Variants in ZNF311 observed in about 807,000 individuals in gnomAD.
ZNF311 encodes the protein zinc finger protein zfp31.
Under a neutral mutation model 22.7 loss-of-function variants are expected in ZNF311, and 14 were observed. The observed-to-expected ratio is 0.62, with a 90% CI of 0.41 to 0.96. The LOEUF is 0.96. Ranked by LOEUF, ZNF311 falls within the 40% of genes least tolerant of loss-of-function variation. The pLI, the probability that ZNF311 is intolerant of heterozygous loss-of-function variation, is 0.00. For missense variants in ZNF311, 731 were observed against 799.0 expected (o/e 0.91, Z 1.03); for synonymous variants, 250 against 275.3 (o/e 0.91, Z 0.91).
Position 28,995,832 on chromosome 6 carries a change from C to T in ZNF311, c.1170G>A (p.Glu390=), listed in dbSNP as rs1347838215. The T allele has an allele frequency of 6.2e-7, 1 of 1,613,426 alleles. No individual in the cohort carries two copies. The highest frequency in any genetic ancestry group is 1.3e-5 in the African/African-American group (1 of 74,706). The change falls in exon 7 of 7, where the codon GAG becomes GAA. Residue 390 remains glutamate, a synonymous_variant. Transcript: ENST00000377179. This position sits in a 1 kb window ranked among gnomAD's most constrained non-coding sequence, Gnocchi z 4.7. ...IHTGEKPYEC[E]ECGKAFSGSS... ...TCCCACTGAAGGCCTTCCCGCACTC[C>T]TCACATTCATATGGCTTCTCCCCAG...
chr6:28,995,202 T>C lies in ZNF311; in HGVS notation c.1800A>G (p.Gly600=). The change falls in exon 7 of 7, where the codon GGA becomes GGG. Residue 600 remains glycine, a synonymous_variant. Transcript: ENST00000377179. This position sits in a 1 kb window ranked among gnomAD's most constrained non-coding sequence, Gnocchi z 4.7. ...TSFRQGSALI[G]HKRVHTGEKP... is the part of the protein sequence containing the mutation. ...TCTCCCCAGTATGAACTCGCTTATG[T>C]CCAATCAGAGCTGAGCCCTGACGGA... 6.2e-7 allele frequency: 1 copy of C among 1,614,058 alleles called. No homozygotes were observed. Among genetic ancestry groups the C allele is most frequent in the Non-Finnish European group, 8.5e-7 (1 of 1,180,028 alleles).
chr6:28,997,623 A>C (rs1779802004), intron 6 of ZNF311, among the ~76,000 whole-genome samples: 1 of 152,172 alleles, frequency 6.6e-6, no homozygotes, highest in Non-Finnish European at 1.5e-5. Flanking sequence ...TCTGAAAATC[A>C]AGTCTAATCA....
rs749224253 is a variant in ZNF311, at chr6:28,995,765, G to C, written c.1237C>G (p.Arg413Gly). The C allele has an allele frequency of 6.2e-7, 1 of 1,613,358 alleles. No homozygotes were observed. The highest frequency in any genetic ancestry group is 8.5e-7 in the Non-Finnish European group (1 of 1,179,886). The part of the protein sequence containing the change: ...TKHIRIHTGE[R>G]PYECSKCGRA... ...CCACACTTGCTGCACTCATAAGGTC[G>C]TTCCCCAGTGTGGATTCTTATGTGT... Residue 413 changes from arginine to glycine, a missense_variant, in exon 7 of 7, where the codon CGA (arginine) becomes GGA (glycine). Arg to Gly is a moderately radical substitution (Grantham distance 125). Coordinates refer to ENST00000377179, the MANE Select transcript of ZNF311 (RefSeq NM_001382360.1). The surrounding 1 kb of genome is among the most constrained non-coding windows in gnomAD (Gnocchi z 4.7).
At position 28,995,108 on chromosome 6, in the gene ZNF311, T is replaced by A; in HGVS notation, c.1894A>T (p.Arg632Ter). Reference sequence around the variant, plus strand: ...TGGGTACTCCATACTTGATGTTTTCTTTTCTTATGTCCAGTAAGATTTGAG... The same window carrying A: ...TGGGTACTCCATACTTGATGTTTTCATTTCTTATGTCCAGTAAGATTTGAG... Reference protein sequence around the residue: ...VSSNLTGHKKRKHQVWSTHEL... With the variant: ...VSSNLTGHKK The change falls in exon 7 of 7, where the codon AGA becomes TGA. Residue 632 changes from arginine (R) to a stop codon, truncating the protein, a stop_gained. Coordinates refer to ENST00000377179, the MANE Select transcript of ZNF311 (RefSeq NM_001382360.1). LOFTEE classifies it low-confidence loss of function (END_TRUNC). The surrounding 1 kb of genome is among the most constrained non-coding windows in gnomAD (Gnocchi z 4.7). 6.2e-7 allele frequency: 1 copy of A among 1,613,946 alleles called. No individual in the cohort carries two copies. Among genetic ancestry groups the A allele is most frequent in the South Asian group, 1.1e-5 (1 of 91,088 alleles).
At chr6:29,001,891 A>G (rs567246665) in intron 3 of ZNF311, among the ~76,000 whole-genome samples, 1 of 152,302 alleles carries the variant, frequency 6.6e-6, no homozygotes, top group East Asian at 1.9e-4. Flanking sequence ...TGGAAGTTCA[A>G]CATTTGTTTA....
intron 2 of ZNF311, 121 bp from the exon 3 acceptor site, chr6:29,003,715 G>T: frequency 7.0e-7 from 1 of 1,424,174 alleles, no homozygotes; most frequent in Non-Finnish European, 9.8e-7. Flanking sequence ...CCAAAAGAAG[G>T]GAGAAAATAA....
Position 28,995,771 on chromosome 6 carries a change from C to A in ZNF311, c.1231G>T (p.Gly411Trp), listed in dbSNP as rs773893837. The A allele has an allele frequency of 3.1e-6, 5 of 1,613,952 alleles. No individual in the cohort carries two copies. Among genetic ancestry groups the A allele is most frequent in the Non-Finnish European group, 8.5e-7 (1 of 1,180,028 alleles). ...TTGCTGCACTCATAAGGTCGTTCCC[C>A]AGTGTGGATTCTTATGTGTTTGGTG... is the stretch of plus-strand genomic sequence containing the variant. The part of the protein sequence containing the change: ...DLTKHIRIHT[G>W]ERPYECSKCG... The change falls in exon 7 of 7, where the codon GGG (glycine) becomes TGG (tryptophan). Residue 411 changes from glycine to tryptophan, a missense_variant. Transcript: ENST00000377179. The surrounding 1 kb of genome is among the most constrained non-coding windows in gnomAD (Gnocchi z 4.7).
chr6:28,998,221 T>C lies in ZNF311; in HGVS notation c.415+513A>G, dbSNP rs371161526. Among the ~76,000 whole-genome samples the C allele has an allele frequency of 6.0e-4, 89 of 148,946 alleles. No homozygotes were observed. The East Asian group carries it at 0.01, about 17-fold the overall frequency. ...TCTCACTGTGTCCCCCGGGTTGGAG[T>C]GCAGTGGTGTGATCTCAGCTCACTG... On this transcript the variant is annotated intron_variant, in intron 6 of 6. Coordinates refer to ENST00000377179, the MANE Select transcript of ZNF311 (RefSeq NM_001382360.1).
chr6:28,998,681 C>A, intron 6 of ZNF311, 53 bp downstream of exon 6: 3 of 1,290,870 alleles, frequency 2.3e-6, no homozygotes, highest in South Asian at 1.2e-5. Flanking sequence ...TGTTCCATAA[C>A]CATTATGCCA....
intron 3 of ZNF311, among the ~76,000 whole-genome samples, chr6:29,002,639 T>TTTC (rs759835469): frequency 6.6e-6 from 1 of 151,048 alleles, no homozygotes; most frequent in Non-Finnish European, 1.5e-5. Flanking sequence ...TTTTTTTTTT[T>TTTC]AGACAGAGTC....
intron 1 of ZNF311, among the ~76,000 whole-genome samples, chr6:29,004,442 C>CTTTTTTTTTTTTTTTTT (rs9280531): frequency 2.6e-4 from 8 of 30,600 alleles, no homozygotes; most frequent in African/African-American, 9.0e-4. Context: ...TTCCTCCTTT[C>CTTTTTTTTTTTTTTTTT]TTTTTTTTTT....
At position 29,004,081 on chromosome 6, in the gene ZNF311, G is replaced by A; in HGVS notation, c.-127C>T. Reference sequence around the variant, plus strand: ...TGCCAGCCTCCTTTGGAGAACACATGTTTTGGTGGTGCCAGCCAAAGGGCC... The same window carrying A: ...TGCCAGCCTCCTTTGGAGAACACATATTTTGGTGGTGCCAGCCAAAGGGCC... On this transcript the variant is annotated 5_prime_UTR_variant, in exon 2 of 7. Coordinates refer to ENST00000377179, the MANE Select transcript of ZNF311 (RefSeq NM_001382360.1). 1 of 1,600,106 alleles carries A rather than the reference G, an allele frequency of 6.2e-7. No individual in the cohort carries two copies. Among genetic ancestry groups the A allele is most frequent in the Non-Finnish European group, 8.5e-7 (1 of 1,173,972 alleles).
rs750787921 is a variant in ZNF311, at chr6:28,995,695, A to T, written c.1307T>A (p.Ile436Asn). The change falls in exon 7 of 7, where the codon ATC (isoleucine) becomes AAC (asparagine). Residue 436 changes from isoleucine (I) to asparagine (N), a missense_variant. Ile to Asn is a moderately radical substitution (Grantham distance 149, BLOSUM62 -3). Coordinates refer to ENST00000377179, the MANE Select transcript of ZNF311 (RefSeq NM_001382360.1). The surrounding 1 kb of genome is among the most constrained non-coding windows in gnomAD (Gnocchi z 4.7). ...CCCATAGTGTTTCTCCCGAGTATGGATTCGTTTGTGTTTGCTTAGGTCTGA... is the reference window on the plus strand; with the variant it reads ...CCCATAGTGTTTCTCCCGAGTATGGTTTCGTTTGTGTTTGCTTAGGTCTGA... ...RSSDLSKHKR[I>N]HTREKHYGCP... The T allele has an allele frequency of 1.9e-6, 3 of 1,613,362 alleles. No homozygotes were observed. The highest frequency in any genetic ancestry group is 2.5e-6 in the Non-Finnish European group (3 of 1,179,982).
intron 2 of ZNF311, 110 bp downstream of exon 2, chr6:29,003,810 AAACAGTATCTAGGAGGAGACACCTCC>A: frequency 6.3e-7 from 1 of 1,585,534 alleles, no homozygotes; most frequent in Non-Finnish European, 8.6e-7. Context: ...CAAGCAGCAA[AAACAGTATCTAGGAGGAGACACCTCC>A]AACAGTATCT....
intron 1 of ZNF311, among the ~76,000 whole-genome samples, chr6:29,004,442 C>CTTTTTTTTTTTTTTTTTT (rs9280531): frequency 2.6e-4 from 8 of 30,592 alleles, no homozygotes; most frequent in African/African-American, 4.5e-4. Flanking sequence ...TTCCTCCTTT[C>CTTTTTTTTTTTTTTTTTT]TTTTTTTTTT....
chr6:28,998,062 C>T (rs943812268), intron 6 of ZNF311, among the ~76,000 whole-genome samples: 2 of 152,046 alleles, frequency 1.3e-5, no homozygotes, highest in Non-Finnish European at 2.9e-5. Context: ...TATTTTATTC[C>T]TCAATGCTTT....
At position 28,996,226 on chromosome 6, in the gene ZNF311, T is replaced by C. The variant is rs769151142; in HGVS notation, c.776A>G (p.His259Arg). The stretch of plus-strand genomic sequence containing the variant: ...TTGCTCATGGAGAATTAGATCTGAG[T>C]GCCAACTGAAGTTTTTGCCACACCT... The part of the protein sequence containing the change: ...CARCGKNFSW[H>R]SDLILHEQIH... Residue 259 changes from histidine to arginine, a missense_variant, in exon 7 of 7, where the codon CAC becomes CGC. Transcript: ENST00000377179. The C allele has an allele frequency of 1.2e-6, 2 of 1,613,256 alleles. No individual in the cohort carries two copies. Among genetic ancestry groups the C allele is most frequent in the Admixed American group, 1.7e-5 (1 of 60,008 alleles).
Position 28,995,086 on chromosome 6 carries a change from G to A in ZNF311, c.1916C>T (p.Thr639Ile). ...TTTCCTACTCCCATCAAGTTCATGG[G>A]TACTCCATACTTGATGTTTTCTTTT... ...HKKRKHQVWS[T>I]HELDGSRKSL... Residue 639 changes from threonine to isoleucine, a missense_variant, in exon 7 of 7, where the codon ACC becomes ATC. Coordinates refer to ENST00000377179, the MANE Select transcript of ZNF311 (RefSeq NM_001382360.1). This position sits in a 1 kb window ranked among gnomAD's most constrained non-coding sequence, Gnocchi z 4.7. 3 of 1,613,696 alleles carry A rather than the reference G, an allele frequency of 1.9e-6. No homozygotes were observed. The Admixed American group carries it at 5.0e-5, about 27-fold the overall frequency.
At position 28,995,337 on chromosome 6, in the gene ZNF311, G is replaced by A. The variant is rs1779327031; in HGVS notation, c.1665C>T (p.His555=). Residue 555 remains histidine, a synonymous_variant, in exon 7 of 7, where the codon CAC becomes CAT. Coordinates refer to ENST00000377179, the MANE Select transcript of ZNF311 (RefSeq NM_001382360.1). This position sits in a 1 kb window ranked among gnomAD's most constrained non-coding sequence, Gnocchi z 4.7. ...AGGCCATTCCACATACCTCACATTT[G>A]TGAGGCTTCTCTCCAGTGTGAATTC... The part of the protein sequence containing the change: ...HRRIHTGEKP[H]KCEVCGMAFH... 1.2e-6 allele frequency: 2 copies of A among 1,613,882 alleles called. No homozygotes were observed. The highest frequency in any genetic ancestry group is 2.7e-5 in the African/African-American group (2 of 74,914).
Sources: gnomAD v4.1 joint callset for allele counts (sites outside exome capture counted in the v4.1 genomes callset) on GRCh38, gnomAD v4.1.1 for gene constraint, Gnocchi (gnomAD v3.1) non-coding constraint, MANE v1.5 for transcripts, NCBI Gene and HGNC (gene_info 2026-07-23, HGNC 2026-07-21) for gene names.